CSMD2: variants seen among roughly 807,000 people sequenced by gnomAD.
CSMD2 encodes the protein CUB and Sushi multiple domains 2.
In CSMD2, 130 loss-of-function variants were observed where a neutral mutation model predicts 398.5. That is an observed-to-expected ratio of 0.33 (90% confidence interval 0.28 to 0.38). The LOEUF is 0.38. Among genes scored for constraint, CSMD2 ranks in the 10% least tolerant of loss-of-function variants. The pLI, the probability that CSMD2 is intolerant of heterozygous loss-of-function variation, is 1.00. For synonymous variants in CSMD2, 1,828 were observed against 1,908.5 expected, an observed-to-expected ratio of 0.96 and a Z score of 1.10; for missense variants, 3,829 against 4,764.9, an observed-to-expected ratio of 0.80 and a Z score of 5.78.
Position 33,537,562 on chromosome 1 carries a change from CCT to C in CSMD2, c.9677_9678del (p.Glu3226GlyfsTer102). 1 of 1,614,156 alleles carries C rather than the reference CCT, an allele frequency of 6.2e-7. No individual in the cohort carries two copies. The highest frequency in any genetic ancestry group is 1.1e-5 in the South Asian group (1 of 91,076). ...GATGACCTGTAGGAGAAGCCTCGGT[CCT>C]CTCTCCTCCCACGGGACGGGACACC... Reference protein sequence around the residue: ...DPGVPSRGRREDRGFSYRSSV... With the variant: ...DPGVPSRGRRXDRGFSYRSSV... On this transcript the variant is annotated frameshift_variant, in exon 61 of 71. Coordinates refer to ENST00000373381, the MANE Select transcript of CSMD2 (RefSeq NM_001281956.2). LOFTEE classifies it high-confidence loss of function. The surrounding 1 kb of genome is among the most constrained non-coding windows in gnomAD (Gnocchi z 4.6).
At chr1:33,781,437 G>A (rs1409542871) in intron 12 of CSMD2, among the ~76,000 whole-genome samples, 1 of 152,204 alleles carries the variant, frequency 6.6e-6, no homozygotes, top group African/African-American at 2.4e-5. Flanking sequence ...TGCTGTCCTT[G>A]TAGCCTCAGT....
intron 5 of CSMD2, among the ~76,000 whole-genome samples, chr1:33,847,671 A>G (rs903248880): frequency 3.3e-5 from 5 of 152,150 alleles, no homozygotes; most frequent in African/African-American, 1.2e-4. Flanking sequence ...ATTCAGTTAT[A>G]GAAGTGTGTG....
chr1:33,808,997 C>A (rs562908575), intron 10 of CSMD2, among the ~76,000 whole-genome samples: 10 of 150,612 alleles, frequency 6.6e-5, no homozygotes, highest in Admixed American at 5.3e-4. Flanking sequence ...AACAGATGAC[C>A]AAAATAATTC....
At chr1:33,573,740 G>T (rs969244476) in intron 49 of CSMD2, among the ~76,000 whole-genome samples, 1 of 152,138 alleles carries the variant, frequency 6.6e-6, no homozygotes. Context: ...AAAGTGGATG[G>T]GATGGAATTA....
intron 25 of CSMD2, among the ~76,000 whole-genome samples, chr1:33,667,923 T>C (rs1382502193): frequency 6.6e-6 from 1 of 152,072 alleles, no homozygotes. Flanking sequence ...TCCGGGAGCT[T>C]CTGGAGATGG....
chr1:34,083,991 A>T (rs1382196462), intron 2 of CSMD2, among the ~76,000 whole-genome samples: 1 of 152,152 alleles, frequency 6.6e-6, no homozygotes, highest in Non-Finnish European at 1.5e-5. Flanking sequence ...AATCAAAAAA[A>T]AAAAGGCAGT....
Position 33,624,497 on chromosome 1 carries a change from C to A in CSMD2, c.5625+22G>T. The A allele has an allele frequency of 6.2e-7, 1 of 1,610,944 alleles. No homozygotes were observed. The highest frequency in any genetic ancestry group is 8.5e-7 in the Non-Finnish European group (1 of 1,178,028). The stretch of plus-strand genomic sequence containing the variant: ...GGGAGCAGACGGCCACCTGCCCGAC[C>A]GAGGCGCCCCCTTGCCCCTACCTGG... On this transcript the variant is annotated intron_variant, in intron 35 of 70. Coordinates refer to ENST00000373381, the MANE Select transcript of CSMD2 (RefSeq NM_001281956.2). This position sits in a 1 kb window ranked among gnomAD's most constrained non-coding sequence, Gnocchi z 4.7.
intron 2 of CSMD2, among the ~76,000 whole-genome samples, chr1:34,085,216 A>G (rs1000431436): frequency 2.0e-5 from 3 of 151,582 alleles, no homozygotes; most frequent in African/African-American, 7.3e-5. Context: ...ACCATCACAC[A>G]CCAGGGACTG....
intron 1 of CSMD2, among the ~76,000 whole-genome samples, chr1:34,107,752 G>A (rs1558399105): frequency 6.6e-6 from 1 of 152,216 alleles, no homozygotes. Context: ...AGTCATGTCA[G>A]TTAGAACTCC....
intron 41 of CSMD2, among the ~76,000 whole-genome samples, chr1:33,609,400 C>G (rs1276827766): frequency 6.6e-6 from 1 of 152,160 alleles, no homozygotes; most frequent in African/African-American, 2.4e-5. Context: ...TCTCAGAAAG[C>G]TGCATATAGG....
At chr1:33,900,545 G>A (rs1426281681) in intron 5 of CSMD2, among the ~76,000 whole-genome samples, 1 of 152,202 alleles carries the variant, frequency 6.6e-6, no homozygotes, top group Non-Finnish European at 1.5e-5. Flanking sequence ...GGGAGGCCAT[G>A]GTAGGTGGAT....
intron 5 of CSMD2, chr1:33,863,436 T>A (rs921089503): frequency 2.0e-5 from 3 of 152,196 alleles, no homozygotes; most frequent in African/African-American, 7.2e-5. Flanking sequence ...CCAGTGTTAA[T>A]TAATAAAATC....
intron 19 of CSMD2, among the ~76,000 whole-genome samples, 194 bp from the exon 20 acceptor site, chr1:33,716,695 C>G (rs1392749285): frequency 6.6e-6 from 1 of 152,190 alleles, no homozygotes; most frequent in Non-Finnish European, 1.5e-5. Flanking sequence ...GAGATTCAGT[C>G]AGGGAGAAGA....
intron 2 of CSMD2, among the ~76,000 whole-genome samples, chr1:34,057,521 T>C (rs993824735): frequency 1.3e-5 from 2 of 152,074 alleles, no homozygotes; most frequent in African/African-American, 4.8e-5. Context: ...GATTGGTGTC[T>C]CAGTCCCCGC....
At chr1:34,120,962 C>T (rs149088107) in intron 1 of CSMD2, among the ~76,000 whole-genome samples, 112 of 152,276 alleles carry the variant, frequency 7.4e-4, no homozygotes, top group African/African-American at 2.5e-3. Flanking sequence ...TTTTTAGGAG[C>T]TCTTACCACC....
rs1654078819 is a variant in CSMD2, at chr1:33,519,690, GAGGA to G, written c.10737-17_10737-14del. The G allele has an allele frequency of 6.2e-7, 1 of 1,614,044 alleles. No homozygotes were observed. Among genetic ancestry groups the G allele is most frequent in the Non-Finnish European group, 8.5e-7 (1 of 1,179,994 alleles). On this transcript the variant is annotated splice_polypyrimidine_tract_variant and intron_variant, in intron 69 of 70. Transcript: ENST00000373381. This position sits in a 1 kb window ranked among gnomAD's most constrained non-coding sequence, Gnocchi z 5.6. Reference sequence around the variant, plus strand: ...TTTGGGTCTTCTCCTGGCGATAAAAGAGGAAGTGCCCACGGCATGAAAAGAGCGA... The same window carrying G: ...TTTGGGTCTTCTCCTGGCGATAAAAGAGTGCCCACGGCATGAAAAGAGCGA...
At chr1:33,667,940 AC>A (rs922633907) in intron 25 of CSMD2, among the ~76,000 whole-genome samples, 7 of 152,058 alleles carry the variant, frequency 4.6e-5, no homozygotes, top group African/African-American at 1.2e-4. Flanking sequence ...ATGGGCAATA[AC>A]CCCCCAGACA....
chr1:33,602,622 A>G, intron 42 of CSMD2, 76 bp from the exon 43 acceptor site: 3 of 1,270,084 alleles, frequency 2.4e-6, no homozygotes, highest in South Asian at 1.7e-5. Context: ...TCCTGAGGAA[A>G]TCCCAGCTCC....
chr1:33,732,351 C>T (rs1347331642), intron 15 of CSMD2, among the ~76,000 whole-genome samples: 1 of 152,196 alleles, frequency 6.6e-6, no homozygotes, highest in Non-Finnish European at 1.5e-5. Context: ...GAGGTTGAAA[C>T]CCTAGCCACC....
Sources: gnomAD v4.1 joint callset for allele counts (sites outside exome capture counted in the v4.1 genomes callset) on GRCh38, gnomAD v4.1.1 for gene constraint, Gnocchi (gnomAD v3.1) non-coding constraint, MANE v1.5 for transcripts, NCBI Gene and HGNC (gene_info 2026-07-23, HGNC 2026-07-21) for gene names.